PLEKHA7: variants seen among roughly 807,000 people sequenced by gnomAD.
PLEKHA7 encodes the protein pleckstrin homology domain containing A7.
In PLEKHA7, 104 loss-of-function variants were observed where a neutral mutation model predicts 170.0. The ratio of observed to expected loss-of-function variants is 0.61; its 90% CI spans 0.52 to 0.72. The LOEUF (loss-of-function observed/expected upper bound fraction) is 0.72, where lower values mean the gene tolerates loss of function less well. Ranked by LOEUF, PLEKHA7 falls within the 30% of genes least tolerant of loss-of-function variation. The pLI, the probability that PLEKHA7 is intolerant of heterozygous loss-of-function variation, is 0.00. For synonymous variants in PLEKHA7, 648 were observed against 660.8 expected, an observed-to-expected ratio of 0.98 and a Z score of 0.30; for missense variants, 1,615 against 1,671.7, an observed-to-expected ratio of 0.97 and a Z score of 0.59.
intron 7 of PLEKHA7, among the ~76,000 whole-genome samples, chr11:16,851,649 A>G (rs1852970358): frequency 6.6e-6 from 1 of 151,930 alleles, no homozygotes; most frequent in Admixed American, 6.6e-5. Context: ...GGGTTTCACC[A>G]TGTTAGCTAG....
At chr11:16,786,442 C>T (rs1849401004) in intron 23 of PLEKHA7, 55 bp from the exon 24 acceptor site, 17 of 1,531,320 alleles carry the variant, frequency 1.1e-5, no homozygotes, top group Admixed American at 9.8e-5. Flanking sequence ...TGAAAGAGCC[C>T]GGCTGGTCAC....
At position 16,817,574 on chromosome 11, in the gene PLEKHA7, A is replaced by G. The variant is rs1441402291; in HGVS notation, c.1344-252T>C. Among the ~76,000 whole-genome samples the G allele has an allele frequency of 1.3e-5, 2 of 152,126 alleles. No homozygotes were observed. Among genetic ancestry groups the G allele is most frequent in the African/African-American group, 2.4e-5 (1 of 41,416 alleles). On this transcript the variant is annotated intron_variant, in intron 10 of 26. Transcript: ENST00000531066. This position sits in a 1 kb window ranked among gnomAD's most constrained non-coding sequence, Gnocchi z 4.4. ...CCCCATGCCCATCACTTGGAGTGCA[A>G]TGTGATTAAACCTGGCTTTTCCTTC...
At position 16,889,418 on chromosome 11, in the gene PLEKHA7, AAAATATATAT is replaced by A. The variant is rs1427729144; in HGVS notation, c.222-18246_222-18237del. Among the ~76,000 whole-genome samples, 247 of 103,508 alleles carry A rather than the reference AAAATATATAT, an allele frequency of 2.4e-3. 8 individuals carry two copies. The highest frequency in any genetic ancestry group is 0.021 in the Admixed American group (200 of 9,338). 67.9% of individuals were successfully genotyped at this position (103,508 alleles called of 152,430 possible). A position where few individuals can be genotyped will look rare whatever the true frequency, so the allele number is the denominator to read the frequency against. On this transcript the variant is annotated intron_variant, in intron 3 of 26. Coordinates refer to ENST00000531066, the MANE Select transcript of PLEKHA7 (RefSeq NM_001329630.2). ...TATTGCTCAAAAAAAAAAAAAAAAA[AAAATATATAT>A]ATATATATATATATATATGAACTAT...
At chr11:16,942,814 C>T (rs1009649747) in intron 3 of PLEKHA7, among the ~76,000 whole-genome samples, 2 of 152,226 alleles carry the variant, frequency 1.3e-5, no homozygotes, top group Admixed American at 1.3e-4. Context: ...ACTTAGGCAA[C>T]TTTCTTCTTG....
chr11:16,824,442 G>A (rs1360975433), intron 10 of PLEKHA7, among the ~76,000 whole-genome samples: 1 of 152,204 alleles, frequency 6.6e-6, no homozygotes, highest in East Asian at 1.9e-4. Context: ...AATGCCCGAG[G>A]TGATGGACAC....
At chr11:16,907,702 G>A (rs1227334231) in intron 3 of PLEKHA7, among the ~76,000 whole-genome samples, 3 of 134,668 alleles carry the variant, frequency 2.2e-5, no homozygotes, top group Admixed American at 7.2e-5. Flanking sequence ...GCCTCTGCCC[G>A]GCCGCCCCTA....
intron 3 of PLEKHA7, among the ~76,000 whole-genome samples, chr11:16,963,227 T>C (rs1279846069): frequency 6.6e-6 from 1 of 152,194 alleles, no homozygotes; most frequent in African/African-American, 2.4e-5. Flanking sequence ...CCTATAACCA[T>C]ATTTGGTATT....
chr11:17,003,017 A>C (rs1273236924), intron 3 of PLEKHA7, among the ~76,000 whole-genome samples: 1 of 98,150 alleles, frequency 1.0e-5, no homozygotes, highest in Non-Finnish European at 1.9e-5. Context: ...TTTGTGATGG[A>C]GTTTCGCTCT....
intron 3 of PLEKHA7, among the ~76,000 whole-genome samples, chr11:16,879,562 A>G (rs914440276): frequency 2.0e-5 from 3 of 152,062 alleles, no homozygotes; most frequent in East Asian, 1.9e-4. Flanking sequence ...CTCCATACCA[A>G]TGTGGGCAGC....
intron 26 of PLEKHA7, among the ~76,000 whole-genome samples, chr11:16,782,369 A>ATCAACCACTTTCCTGCCCCCTTCT (rs1254682415): frequency 4.6e-5 from 7 of 152,106 alleles, no homozygotes; most frequent in Non-Finnish European, 8.8e-5. Flanking sequence ...AAATCCAAGC[A>ATCAACCACTTTCCTGCCCCCTTCT]TCAACCACTT....
intron 12 of PLEKHA7, 32 bp downstream of exon 12, chr11:16,816,146 C>T (rs1227446693): frequency 1.3e-6 from 2 of 1,550,102 alleles, no homozygotes; most frequent in East Asian, 2.2e-5. Flanking sequence ...TGAGATAGGG[C>T]TTTGCAGGCT....
At chr11:16,790,323 C>G (rs142368748) in intron 21 of PLEKHA7, 2 of 205,860 alleles carry the variant, frequency 9.7e-6, no homozygotes, top group African/African-American at 4.7e-5. Flanking sequence ...TCTGGAAGGT[C>G]TGAGATGGCC....
rs769018503 is a variant in PLEKHA7, at chr11:16,794,627, G to A, written c.2606C>T (p.Pro869Leu). Residue 869 changes from proline (P) to leucine (L), a missense_variant, in exon 19 of 27, where the codon CCC (proline) becomes CTC (leucine). Physicochemically the swap from Pro to Leu is moderately conservative, Grantham distance 98 (BLOSUM62 -3). Coordinates refer to ENST00000531066, the MANE Select transcript of PLEKHA7 (RefSeq NM_001329630.2). Reference sequence around the variant, plus strand: ...CAGAGGGGTCCGCACAGGGCTGGTGGGAGGACTGGGCTGTGGGGGCGGCTT... The same window carrying A: ...CAGAGGGGTCCGCACAGGGCTGGTGAGAGGACTGGGCTGTGGGGGCGGCTT... Reference protein sequence around the residue: ...ESKPPPQPSPPTSPVRTPLEV... With the variant: ...ESKPPPQPSPLTSPVRTPLEV... 1.2e-6 allele frequency: 2 copies of A among 1,613,912 alleles called. No homozygotes were observed. The highest frequency in any genetic ancestry group is 3.3e-5 in the Admixed American group (2 of 60,008).
intron 3 of PLEKHA7, among the ~76,000 whole-genome samples, chr11:16,964,183 T>C (rs541787793): frequency 6.6e-6 from 1 of 152,366 alleles, no homozygotes; most frequent in South Asian, 2.1e-4. Flanking sequence ...TTCAATTATA[T>C]GTATATATCA....
At chr11:16,959,022 T>C (rs7934117) in intron 3 of PLEKHA7, among the ~76,000 whole-genome samples, 49,061 of 152,136 alleles carry the variant, frequency 0.32, 8,474 homozygotes, top group Non-Finnish European at 0.39. Flanking sequence ...CACCTGCCAT[T>C]GCACCCTTTC....
intron 3 of PLEKHA7, among the ~76,000 whole-genome samples, chr11:16,914,231 G>C (rs1858469120): frequency 6.6e-6 from 1 of 152,100 alleles, no homozygotes; most frequent in African/African-American, 2.4e-5. Context: ...CTTAGAAGTA[G>C]ACATTTTTTT....
intron 3 of PLEKHA7, among the ~76,000 whole-genome samples, chr11:16,892,435 T>TGTGTGTG (rs1554964897): frequency 1.3e-3 from 131 of 98,392 alleles, no homozygotes; most frequent in African/African-American, 2.5e-3. Context: ...TGTGTGTGTG[T>TGTGTGTG]TTTGTTTTGT....
chr11:16,971,586 G>A (rs192465312), intron 3 of PLEKHA7, among the ~76,000 whole-genome samples: 17 of 152,252 alleles, frequency 1.1e-4, no homozygotes, highest in Middle Eastern at 3.4e-3. Context: ...TACCACACAG[G>A]TGCCAGGGAC....
At chr11:16,944,738 C>G (rs781675691) in intron 3 of PLEKHA7, among the ~76,000 whole-genome samples, 23 of 152,182 alleles carry the variant, frequency 1.5e-4, no homozygotes, top group Middle Eastern at 3.4e-3. Context: ...ATGTTTTTCT[C>G]TGTAATTTCA....
Sources: gnomAD v4.1 joint callset for allele counts (sites outside exome capture counted in the v4.1 genomes callset) on GRCh38, gnomAD v4.1.1 for gene constraint, Gnocchi (gnomAD v3.1) non-coding constraint, MANE v1.5 for transcripts, NCBI Gene and HGNC (gene_info 2026-07-23, HGNC 2026-07-21) for gene names.